The following SNTG2 variants were observed in gnomAD, a reference collection of about 807,000 sequenced individuals.
SNTG2 encodes syntrophin gamma 2.
Under a neutral mutation model 70.9 loss-of-function variants are expected in SNTG2, and 74 were observed. The observed-to-expected ratio is 1.04, with a 90% CI of 0.86 to 1.27. SNTG2 has a LOEUF of 1.27. Ranked by LOEUF, SNTG2 falls within the 50% of genes most tolerant of loss-of-function variation. SNTG2 has a pLI of 0.00. For missense variants in SNTG2, 717 were observed against 690.7 expected (o/e 1.04, Z -0.43); for synonymous variants, 278 against 273.8 (o/e 1.02, Z -0.15).
chr2:1,116,613 T>C (rs1472333320), intron 4 of SNTG2, among the ~76,000 whole-genome samples: 9 of 147,674 alleles, frequency 6.1e-5, no homozygotes, highest in African/African-American at 2.3e-4. Flanking sequence ...TGCCCTGGTG[T>C]GTGGGTGCTC....
intron 4 of SNTG2, among the ~76,000 whole-genome samples, chr2:1,117,760 G>C (rs1332605580): frequency 1.3e-5 from 2 of 152,212 alleles, no homozygotes; most frequent in South Asian, 2.1e-4. Context: ...TGGGCCCCAG[G>C]CTGCGCTGGC....
chr2:1,060,462 T>C (rs1207010321), intron 1 of SNTG2, among the ~76,000 whole-genome samples: 1 of 152,172 alleles, frequency 6.6e-6, no homozygotes, highest in Non-Finnish European at 1.5e-5. Flanking sequence ...AGACACCCTC[T>C]AGCATGAGAA....
At chr2:1,049,452 G>A (rs537828662) in intron 1 of SNTG2, among the ~76,000 whole-genome samples, 1 of 152,250 alleles carries the variant, frequency 6.6e-6, no homozygotes, top group Non-Finnish European at 1.5e-5. Context: ...TTACTAACAT[G>A]AATTTAAGCT....
At chr2:1,319,420 A>C (rs1681425964) in intron 16 of SNTG2, among the ~76,000 whole-genome samples, 1 of 152,198 alleles carries the variant, frequency 6.6e-6, no homozygotes, top group African/African-American at 2.4e-5. Context: ...TGTAGGGCAC[A>C]TAAATATGTC....
intron 8 of SNTG2, among the ~76,000 whole-genome samples, chr2:1,208,874 C>T (rs189160682): frequency 8.5e-5 from 13 of 152,296 alleles, no homozygotes; most frequent in African/African-American, 2.9e-4. Flanking sequence ...CCTTCAGCTT[C>T]TTCTCTTTCG....
intron 14 of SNTG2, among the ~76,000 whole-genome samples, chr2:1,283,463 A>G (rs904649378): frequency 1.3e-5 from 2 of 152,190 alleles, no homozygotes; most frequent in African/African-American, 2.4e-5. Flanking sequence ...AAATTAGTCA[A>G]CGGAGCTGCT....
chr2:1,003,842 ACAT>A (rs934807688), intron 1 of SNTG2, among the ~76,000 whole-genome samples: 1 of 152,212 alleles, frequency 6.6e-6, no homozygotes. Flanking sequence ...CATTGTTGAA[ACAT>A]CATATTTTCT....
intron 4 of SNTG2, among the ~76,000 whole-genome samples, chr2:1,111,673 G>T (rs981950860): frequency 6.6e-6 from 1 of 152,210 alleles, no homozygotes; most frequent in Non-Finnish European, 1.5e-5. Flanking sequence ...ATTACTTCAA[G>T]AATTTAGATT....
At chr2:1,034,769 T>G (rs188098572) in intron 1 of SNTG2, among the ~76,000 whole-genome samples, 1 of 152,316 alleles carries the variant, frequency 6.6e-6, no homozygotes, top group East Asian at 1.9e-4. Flanking sequence ...CGCACAATAA[T>G]AATGGGAGAC....
At chr2:1,222,307 G>C (rs1215938276) in intron 9 of SNTG2, among the ~76,000 whole-genome samples, 1 of 152,230 alleles carries the variant, frequency 6.6e-6, no homozygotes, top group Admixed American at 6.5e-5. Context: ...TCCGCTTTTG[G>C]ACATTAAGAT....
intron 6 of SNTG2, among the ~76,000 whole-genome samples, chr2:1,157,494 T>C (rs941982073): frequency 6.6e-6 from 1 of 152,178 alleles, no homozygotes; most frequent in African/African-American, 2.4e-5. Flanking sequence ...CCTTCACACT[T>C]AGAAAAAGTC....
At chr2:1,149,652 G>A (rs78247329) in intron 6 of SNTG2, among the ~76,000 whole-genome samples, 18,529 of 149,388 alleles carry the variant, frequency 0.12, 1,692 homozygotes, top group East Asian at 0.44. Flanking sequence ...ACCCTCAACA[G>A]ATTGATGAAG....
Position 1,353,186 on chromosome 2 carries a change from A to G in SNTG2, c.1489-14157A>G, listed in dbSNP as rs1055205566. On this transcript the variant is annotated intron_variant, in intron 16 of 16. Transcript: ENST00000308624. This position sits in a 1 kb window ranked among gnomAD's most constrained non-coding sequence, Gnocchi z 4.2. ...CCTCAGCAGTGAGCAAAGGCTGCAC[A>G]TCAGGCCCCCTCCATCCCCAGGACA... Among the ~76,000 whole-genome samples, 1 of 152,132 alleles carries G rather than the reference A, an allele frequency of 6.6e-6. No homozygotes were observed. The highest frequency in any genetic ancestry group is 1.5e-5 in the Non-Finnish European group (1 of 68,018).
chr2:1,031,459 G>C (rs576805384), intron 1 of SNTG2, among the ~76,000 whole-genome samples: 1 of 143,530 alleles, frequency 7.0e-6, no homozygotes. Context: ...TTTTCACTCA[G>C]CAGTTTTAAA....
At chr2:1,070,452 G>A (rs1056621964) in intron 1 of SNTG2, among the ~76,000 whole-genome samples, 3 of 152,098 alleles carry the variant, frequency 2.0e-5, no homozygotes, top group East Asian at 1.9e-4. Context: ...ATGGAATAAT[G>A]CTCATGAGCT....
At chr2:1,162,003 G>A (rs1670330704) in intron 6 of SNTG2, among the ~76,000 whole-genome samples, 1 of 151,024 alleles carries the variant, frequency 6.6e-6, no homozygotes, top group Non-Finnish European at 1.5e-5. Context: ...GAACCCGGGA[G>A]GCGGAGCTTG....
intron 1 of SNTG2, among the ~76,000 whole-genome samples, chr2:1,051,059 T>A (rs1476724262): frequency 6.6e-6 from 1 of 152,200 alleles, no homozygotes; most frequent in African/African-American, 2.4e-5. Context: ...ATCACATGCG[T>A]AGATACTTTT....
intron 14 of SNTG2, among the ~76,000 whole-genome samples, chr2:1,307,544 G>GA (rs1226368698): frequency 2.0e-5 from 3 of 152,086 alleles, no homozygotes; most frequent in African/African-American, 7.2e-5. Flanking sequence ...AACGTGTTTG[G>GA]ATGTCACAGG....
chr2:1,113,296 G>A (rs978605000), intron 4 of SNTG2, among the ~76,000 whole-genome samples: 1 of 152,122 alleles, frequency 6.6e-6, no homozygotes, highest in Non-Finnish European at 1.5e-5. Flanking sequence ...AGGATCGTGT[G>A]TACTAAGTGA....
Sources: gnomAD v4.1 joint callset for allele counts (sites outside exome capture counted in the v4.1 genomes callset) on GRCh38, gnomAD v4.1.1 for gene constraint, Gnocchi (gnomAD v3.1) non-coding constraint, MANE v1.5 for transcripts, NCBI Gene and HGNC (gene_info 2026-07-23, HGNC 2026-07-21) for gene names.